CDK15: variants seen among roughly 807,000 people sequenced by gnomAD.
The protein encoded by CDK15 is cyclin-dependent kinase 15.
CDK15 carries 62 observed loss-of-function variants against 60.3 expected under a neutral mutation model. That is an observed-to-expected ratio of 1.03 (90% CI 0.84 to 1.27). The LOEUF is 1.27. Among genes scored for constraint, CDK15 ranks in the 50% most tolerant of loss-of-function variants. The pLI, the probability that CDK15 is intolerant of heterozygous loss-of-function variation, is 0.00. For missense variants in CDK15, 541 were observed against 527.8 expected (o/e 1.03, Z -0.25); for synonymous variants, 194 against 195.7 (o/e 0.99, Z 0.07).
At chr2:201,838,828 C>A (rs1697240527) in intron 8 of CDK15, among the ~76,000 whole-genome samples, 1 of 152,196 alleles carries the variant, frequency 6.6e-6, no homozygotes, top group African/African-American at 2.4e-5. Flanking sequence ...CACTAGAAGG[C>A]CTTCTACCAA....
intron 8 of CDK15, among the ~76,000 whole-genome samples, chr2:201,838,784 T>C (rs2160192): frequency 6.6e-6 from 1 of 151,990 alleles, no homozygotes; most frequent in Non-Finnish European, 1.5e-5. Context: ...TACTGTCCTA[T>C]CAACTGTGTC....
intron 9 of CDK15, 90 bp downstream of exon 9, chr2:201,847,564 C>T: frequency 9.5e-7 from 1 of 1,056,980 alleles, no homozygotes; most frequent in African/African-American, 1.6e-5. Context: ...AGCAGTCCAT[C>T]TGCTCTGAGA....
In CDK15 at chr2:201,806,772, G is replaced by A. The variant is rs766560956; in HGVS notation, c.108G>A (p.Thr36=). ...GTCGGAGGAGTCAGCCTGAGACCAC[G>A]GAGGCTGCGTTCAAGGTATTTGTAT... ...HSCRRSQPET[T]EAAFKLTDLK... Residue 36 remains threonine (T), a synonymous_variant, in exon 1 of 14, where the codon ACG becomes ACA. Coordinates refer to ENST00000652192, the MANE Select transcript of CDK15 (RefSeq NM_001366386.2). The A allele has an allele frequency of 1.9e-6, 3 of 1,598,450 alleles. No homozygotes were observed. Among genetic ancestry groups the A allele is most frequent in the South Asian group, 1.1e-5 (1 of 91,050 alleles).
chr2:201,836,985 T>C (rs1697122675), intron 8 of CDK15, among the ~76,000 whole-genome samples: 1 of 152,000 alleles, frequency 6.6e-6, no homozygotes, highest in South Asian at 2.1e-4. Context: ...AATGGAATTG[T>C]AGTACAAATA....
chr2:201,845,523 A>G (rs1302234684), intron 8 of CDK15, among the ~76,000 whole-genome samples: 1 of 150,206 alleles, frequency 6.7e-6, no homozygotes, highest in Non-Finnish European at 1.5e-5. Context: ...AGGCCTAGGC[A>G]GGCAGATTGC....
rs755943974 is a variant in CDK15 at position 201,880,061 on chromosome 2, C to T, written c.1092C>T (p.Ala364=). Reference sequence around the variant, plus strand: ...GGGTTCCTGAAGCTGAAGACCTGGCCTCCCAGATGCTAAAAGGCTTTCCCA... The same window carrying T: ...GGGTTCCTGAAGCTGAAGACCTGGCTTCCCAGATGCTAAAAGGCTTTCCCA... ...LGRVPEAEDL[A]SQMLKGFPRD... is the part of the protein sequence containing the mutation. Residue 364 remains alanine (A), a synonymous_variant, in exon 12 of 14, where the codon GCC becomes GCT. Coordinates refer to ENST00000652192, the MANE Select transcript of CDK15 (RefSeq NM_001366386.2). The T allele has an allele frequency of 1.2e-6, 2 of 1,614,136 alleles. No individual in the cohort carries two copies. The highest frequency in any genetic ancestry group is 2.2e-5 in the South Asian group (2 of 91,080).
At chr2:201,836,530 GT>G (rs2105749126) in intron 8 of CDK15, among the ~76,000 whole-genome samples, 1 of 151,910 alleles carries the variant, frequency 6.6e-6, no homozygotes, top group African/African-American at 2.4e-5. Flanking sequence ...GGCTGAAGCA[GT>G]TCTCCCACTT....
At chr2:201,867,555 G>A (rs959499458) in intron 10 of CDK15, among the ~76,000 whole-genome samples, 11 of 150,498 alleles carry the variant, frequency 7.3e-5, no homozygotes, top group Admixed American at 7.3e-4. Flanking sequence ...AGACCGGGAG[G>A]TCAAGGATGC....
intron 13 of CDK15, 71 bp downstream of exon 13, chr2:201,890,998 A>C: frequency 1.3e-6 from 1 of 766,166 alleles, no homozygotes; most frequent in East Asian, 2.7e-5. Flanking sequence ...TGGAGAGGAC[A>C]TTGCTCAGGG....
intron 11 of CDK15, among the ~76,000 whole-genome samples, chr2:201,876,209 A>G (rs1699072955): frequency 6.6e-6 from 1 of 152,254 alleles, no homozygotes; most frequent in African/African-American, 2.4e-5. Flanking sequence ...TGGTGGCCAC[A>G]TGTACAACTA....
At chr2:201,885,278 GT>G (rs1297411484) in intron 12 of CDK15, among the ~76,000 whole-genome samples, 2 of 151,940 alleles carry the variant, frequency 1.3e-5, no homozygotes, top group Non-Finnish European at 2.9e-5. Context: ...CTGTTTATTG[GT>G]TTTTTTGTGT....
chr2:201,890,519 T>C (rs1699608135), intron 12 of CDK15, among the ~76,000 whole-genome samples: 1 of 152,220 alleles, frequency 6.6e-6, no homozygotes, highest in Non-Finnish European at 1.5e-5. Context: ...TGTATTCCTA[T>C]TTTTATCATC....
intron 11 of CDK15, among the ~76,000 whole-genome samples, chr2:201,878,643 C>T (rs1243966948): frequency 6.6e-6 from 1 of 151,900 alleles, no homozygotes; most frequent in African/African-American, 2.4e-5. Context: ...AATGTTATAC[C>T]TGGGCTGCTA....
intron 3 of CDK15, among the ~76,000 whole-genome samples, chr2:201,809,712 T>C (rs188455717): frequency 3.9e-5 from 6 of 152,270 alleles, no homozygotes; most frequent in Admixed American, 3.3e-4. Context: ...TACAAGACCC[T>C]ATAGAATCCC....
intron 12 of CDK15, among the ~76,000 whole-genome samples, chr2:201,884,624 G>C (rs185943034): frequency 7.9e-5 from 12 of 152,308 alleles, no homozygotes; most frequent in African/African-American, 2.9e-4. Context: ...ACTTTAGGCT[G>C]AATTCCTTTA....
chr2:201,889,022 T>C (rs1254111260), intron 12 of CDK15: 1 of 985,500 alleles, frequency 1.0e-6, no homozygotes, highest in East Asian at 1.1e-4. Context: ...AATGGTATGA[T>C]GGCTCCCCTT....
intron 8 of CDK15, among the ~76,000 whole-genome samples, chr2:201,840,168 A>G (rs1317465196): frequency 6.6e-6 from 1 of 152,088 alleles, no homozygotes; most frequent in East Asian, 1.9e-4. Context: ...TAGTTTTAGT[A>G]GAGACGGAGT....
chr2:201,841,589 T>C (rs1697384388), intron 8 of CDK15, among the ~76,000 whole-genome samples: 1 of 152,200 alleles, frequency 6.6e-6, no homozygotes, highest in South Asian at 2.1e-4. Context: ...AATAATCCTA[T>C]TCTGCTAGGC....
intron 10 of CDK15, chr2:201,861,458 G>GA: frequency 1.0e-6 from 1 of 984,252 alleles, no homozygotes; most frequent in Middle Eastern, 5.2e-4. Context: ...GGATGAGTCT[G>GA]AAAAATAAAT....
Sources: gnomAD v4.1 joint callset for allele counts (sites outside exome capture counted in the v4.1 genomes callset) on GRCh38, gnomAD v4.1.1 for gene constraint, MANE v1.5 for transcripts, NCBI Gene and HGNC (gene_info 2026-07-23, HGNC 2026-07-21) for gene names.